The following GPM6A variants were observed in gnomAD, a reference collection of about 807,000 sequenced individuals.
GPM6A encodes the protein neuronal membrane glycoprotein M6-a.
A neutral mutation model predicts 32.1 loss-of-function variants in GPM6A; 7 were observed. That is an observed-to-expected ratio of 0.22 (90% CI 0.12 to 0.41). The LOEUF (loss-of-function observed/expected upper bound fraction) is 0.41, where lower values mean the gene tolerates loss of function less well. Among genes scored for constraint, GPM6A ranks in the 10% least tolerant of loss-of-function variants. The pLI, the probability that GPM6A is intolerant of heterozygous loss-of-function variation, is 1.00. For synonymous variants in GPM6A, 130 were observed against 123.4 expected, an observed-to-expected ratio of 1.05 and a Z score of -0.35; for missense variants, 235 against 347.2, an observed-to-expected ratio of 0.68 and a Z score of 2.57.
In GPM6A at chr4:175,901,829, T is replaced by C. The variant is rs536077724; in HGVS notation, c.-22-89580A>G. Among the ~76,000 whole-genome samples the C allele has an allele frequency of 7.2e-5, 11 of 151,890 alleles. No homozygotes were observed. In the South Asian group the frequency reaches 2.1e-3, roughly 29 times the overall value. On this transcript the variant is annotated intron_variant, in intron 1 of 7. Transcript: ENST00000280187. Reference sequence around the variant, plus strand: ...TTTTAGTAGAGATGAGCTTTCACCATGTTGGCCAGGCTAGTCTTGAACCCC... The same window carrying C: ...TTTTAGTAGAGATGAGCTTTCACCACGTTGGCCAGGCTAGTCTTGAACCCC...
At chr4:175,925,256 G>A (rs897438975) in intron 1 of GPM6A, among the ~76,000 whole-genome samples, 2 of 152,128 alleles carry the variant, frequency 1.3e-5, no homozygotes, top group African/African-American at 2.4e-5. Context: ...TGTGGAGTGC[G>A]ACTTTGCATT....
chr4:175,666,974 C>T (rs1019553902), intron 3 of GPM6A, among the ~76,000 whole-genome samples: 16 of 152,112 alleles, frequency 1.1e-4, no homozygotes, highest in African/African-American at 3.4e-4. Context: ...GAAATTCATA[C>T]GTTATGGAGA....
rs1744897790 is a variant in GPM6A at position 175,701,823 on chromosome 4, T to G, written c.38-56A>C. 7 of 1,349,384 alleles carry G rather than the reference T, an allele frequency of 5.2e-6. No homozygotes were observed. The South Asian group carries it at 7.6e-5, about 15-fold the overall frequency. The allele number at this position is 1,349,384 out of a possible 1,614,324, so 83.6% of individuals were successfully genotyped here. Reference sequence around the variant, plus strand: ...ATTTTTGTTAACCTAATTTAATTTTTTTTTTCAAACTTCAGCACTATGGGA... The same window carrying G: ...ATTTTTGTTAACCTAATTTAATTTTGTTTTTCAAACTTCAGCACTATGGGA... On this transcript the variant is annotated intron_variant, in intron 1 of 6. Transcript: ENST00000393658.
At chr4:175,684,548 A>G (rs1040678582) in intron 2 of GPM6A, among the ~76,000 whole-genome samples, 6 of 152,206 alleles carry the variant, frequency 3.9e-5, no homozygotes, top group African/African-American at 1.4e-4. Context: ...ATTAGATAAA[A>G]TCAATTTTAT....
intron 2 of GPM6A, among the ~76,000 whole-genome samples, chr4:175,677,398 G>T (rs1743431938): frequency 6.6e-6 from 1 of 152,038 alleles, no homozygotes; most frequent in Admixed American, 6.6e-5. Context: ...AACAAAAAAG[G>T]CTAAGAGAAT....
intron 2 of GPM6A, among the ~76,000 whole-genome samples, chr4:175,698,507 G>A (rs1744696875): frequency 2.0e-5 from 3 of 151,884 alleles, no homozygotes; most frequent in Admixed American, 6.6e-5. Context: ...CTGATACCCC[G>A]TAAGGCAGCC....
chr4:175,983,127 G>C (rs2126445590), intron 1 of GPM6A, among the ~76,000 whole-genome samples: 1 of 152,156 alleles, frequency 6.6e-6, no homozygotes, highest in East Asian at 1.9e-4. Flanking sequence ...AGATGGGGAG[G>C]GGAGAATTTA....
At chr4:175,725,298 T>C (rs562244202) in intron 1 of GPM6A, among the ~76,000 whole-genome samples, 2 of 148,188 alleles carry the variant, frequency 1.3e-5, no homozygotes, top group East Asian at 3.9e-4. Context: ...GGTTTTTGTT[T>C]TTTTTTTTTT....
chr4:175,868,411 T>C (rs1736805824), intron 1 of GPM6A, among the ~76,000 whole-genome samples: 1 of 152,234 alleles, frequency 6.6e-6, no homozygotes, highest in South Asian at 2.1e-4. Flanking sequence ...TAACTTGTTT[T>C]GGAAAATTCT....
At chr4:175,983,572 G>A (rs1289086918) in intron 1 of GPM6A, among the ~76,000 whole-genome samples, 1 of 151,994 alleles carries the variant, frequency 6.6e-6, no homozygotes, top group Non-Finnish European at 1.5e-5. Context: ...TGTTCTTATG[G>A]TGAATTACAC....
chr4:175,998,223 G>A (rs569997459), intron 1 of GPM6A, among the ~76,000 whole-genome samples: 3 of 151,598 alleles, frequency 2.0e-5, no homozygotes, highest in Non-Finnish European at 4.4e-5. Flanking sequence ...GCATGATCTC[G>A]GCTCACTGCA....
intron 1 of GPM6A, among the ~76,000 whole-genome samples, chr4:175,767,713 C>T (rs1733029088): frequency 6.6e-6 from 1 of 152,182 alleles, no homozygotes; most frequent in African/African-American, 2.4e-5. Context: ...TTTCTCCTGT[C>T]TGCATTCCAT....
At chr4:176,002,266 C>G (rs557683753) in intron 1 of GPM6A, 1 of 1,591,424 alleles carries the variant, frequency 6.3e-7, no homozygotes, top group Admixed American at 1.7e-5. Context: ...ATTCCCGAGG[C>G]CGAGCCTTTG....
At chr4:175,640,882 A>G in intron 4 of GPM6A, 53 bp from the exon 5 acceptor site, 1 of 1,160,724 alleles carries the variant, frequency 8.6e-7, no homozygotes, top group Non-Finnish European at 1.3e-6. Flanking sequence ...TGAAGAGCCA[A>G]GAGAGAAAAA....
chr4:175,809,398 A>G (rs1212397704), intron 1 of GPM6A, among the ~76,000 whole-genome samples: 1 of 148,634 alleles, frequency 6.7e-6, no homozygotes, highest in African/African-American at 2.5e-5. Context: ...TTTTTTTTCT[A>G]TACTAGAATA....
rs906806577 is a variant in GPM6A, at chr4:175,754,375, C to T, written c.38-52608G>A. Reference sequence around the variant, plus strand: ...ATGTTTAACACATGAAAAGTAGATCCTTTTGATCCCAAAAGTAACTTCTCA... The same window carrying T: ...ATGTTTAACACATGAAAAGTAGATCTTTTTGATCCCAAAAGTAACTTCTCA... On this transcript the variant is annotated intron_variant, in intron 1 of 6. Transcript: ENST00000393658. Among the ~76,000 whole-genome samples the T allele has an allele frequency of 4.6e-5, 7 of 152,166 alleles. No homozygotes were observed. In the East Asian group the frequency reaches 1.4e-3, roughly 29 times the overall value.
intron 3 of GPM6A, among the ~76,000 whole-genome samples, chr4:175,664,057 T>C (rs942163422): frequency 6.6e-6 from 1 of 152,142 alleles, no homozygotes; most frequent in Non-Finnish European, 1.5e-5. Flanking sequence ...CGGAGGAACC[T>C]TAAATGCATA....
At chr4:175,898,626 C>G (rs956676104) in intron 1 of GPM6A, among the ~76,000 whole-genome samples, 2 of 152,104 alleles carry the variant, frequency 1.3e-5, no homozygotes, top group Admixed American at 1.3e-4. Flanking sequence ...ATTCTGAGAA[C>G]CCCTTGGGAG....
chr4:175,946,923 G>T (rs1219051121), intron 1 of GPM6A, among the ~76,000 whole-genome samples: 1 of 152,108 alleles, frequency 6.6e-6, no homozygotes, highest in African/African-American at 2.4e-5. Flanking sequence ...CTGAGAGGAA[G>T]CCAAAACTGG....
Sources: gnomAD v4.1 joint callset for allele counts (sites outside exome capture counted in the v4.1 genomes callset) on GRCh38, gnomAD v4.1.1 for gene constraint, MANE v1.5 for transcripts, NCBI Gene and HGNC (gene_info 2026-07-23, HGNC 2026-07-21) for gene names.